The following CACNA2D2 variants were observed in gnomAD, a reference collection of about 807,000 sequenced individuals.
CACNA2D2 encodes calcium voltage-gated channel auxiliary subunit alpha2delta 2.
CACNA2D2 carries 48 observed loss-of-function variants against 166.4 expected under a neutral mutation model. That is an observed-to-expected ratio of 0.29 (90% CI 0.23 to 0.37). CACNA2D2 has a LOEUF of 0.37. CACNA2D2 is among the 10% of genes least tolerant of loss of function. The pLI is 1.00. For synonymous variants in CACNA2D2, 561 were observed against 573.7 expected, an observed-to-expected ratio of 0.98 and a Z score of 0.32; for missense variants, 1,122 against 1,433.0, an observed-to-expected ratio of 0.78 and a Z score of 3.50.
chr3:50,477,181 A>T (rs2282762), intron 1 of CACNA2D2, among the ~76,000 whole-genome samples: 1 of 151,800 alleles, frequency 6.6e-6, no homozygotes, highest in Non-Finnish European at 1.5e-5. Context: ...CGCCTGTCTC[A>T]GCCTCCCAAA....
chr3:50,402,286 A>G (rs1439098606), intron 3 of CACNA2D2, among the ~76,000 whole-genome samples: 1 of 152,106 alleles, frequency 6.6e-6, no homozygotes, highest in Admixed American at 6.6e-5. Flanking sequence ...GAATTTACAG[A>G]CCAGTTTTCT....
At chr3:50,449,038 T>C (rs911771841) in intron 2 of CACNA2D2, among the ~76,000 whole-genome samples, 6 of 152,236 alleles carry the variant, frequency 3.9e-5, no homozygotes, top group Non-Finnish European at 8.8e-5. Flanking sequence ...TTCCTGCTGA[T>C]GGTGGGCGAG....
intron 2 of CACNA2D2, among the ~76,000 whole-genome samples, chr3:50,462,900 AG>A (rs1303343103): frequency 6.7e-6 from 1 of 149,774 alleles, no homozygotes; most frequent in African/African-American, 2.5e-5. Flanking sequence ...GAAAAAAAAA[AG>A]AGAGAGGGAG....
intron 3 of CACNA2D2, among the ~76,000 whole-genome samples, chr3:50,403,593 C>T (rs565486207): frequency 1.3e-5 from 2 of 152,296 alleles, no homozygotes; most frequent in South Asian, 4.1e-4. Context: ...TCATCTGCCC[C>T]AGCCCCCACA....
At chr3:50,373,003 G>GC in intron 22 of CACNA2D2, 1 of 1,397,550 alleles carries the variant, frequency 7.2e-7, no homozygotes, top group Non-Finnish European at 9.8e-7. Flanking sequence ...AGGGGGGCAA[G>GC]CAGGGGCGTG....
chr3:50,469,242 C>T (rs981476101), intron 2 of CACNA2D2, among the ~76,000 whole-genome samples: 1 of 152,124 alleles, frequency 6.6e-6, no homozygotes. Context: ...CCTTTTGTCT[C>T]TGCCCATCTC....
At chr3:50,480,420 CCTAAGGA>C (rs1370212535) in intron 1 of CACNA2D2, among the ~76,000 whole-genome samples, 1 of 152,064 alleles carries the variant, frequency 6.6e-6, no homozygotes, top group Non-Finnish European at 1.5e-5. Context: ...TCCCCTAAGA[CCTAAGGA>C]CTTATTGAGG....
At chr3:50,383,340 G>T (rs911326347) in intron 6 of CACNA2D2, among the ~76,000 whole-genome samples, 3 of 152,136 alleles carry the variant, frequency 2.0e-5, no homozygotes, top group Non-Finnish European at 2.9e-5. Flanking sequence ...TGGAGCTGAG[G>T]CAGTGGCTCT....
chr3:50,485,003 T>C (rs537918871), intron 1 of CACNA2D2, among the ~76,000 whole-genome samples: 15 of 152,334 alleles, frequency 9.8e-5, no homozygotes, highest in Non-Finnish European at 1.9e-4. Flanking sequence ...CTTCTTTCCA[T>C]ATGAATTATT....
At chr3:50,445,808 C>T (rs1405491537) in intron 2 of CACNA2D2, among the ~76,000 whole-genome samples, 1 of 152,178 alleles carries the variant, frequency 6.6e-6, no homozygotes, top group Non-Finnish European at 1.5e-5. Context: ...GTGGGGTTAC[C>T]ACCCAAAGCT....
At chr3:50,378,781 C>T (rs1258357465) in intron 13 of CACNA2D2, 134 bp downstream of exon 13, 7 of 1,040,362 alleles carry the variant, frequency 6.7e-6, no homozygotes, top group South Asian at 2.8e-5. Context: ...GGGACAGCCT[C>T]GTGGATGGGA....
chr3:50,383,777 G>A (rs927252220), intron 6 of CACNA2D2, among the ~76,000 whole-genome samples: 24 of 152,114 alleles, frequency 1.6e-4, no homozygotes, highest in Admixed American at 1.5e-3. Flanking sequence ...CCTACCCTCC[G>A]TGTCCACCTG....
Position 50,379,195 on chromosome 3 carries a change from T to C in CACNA2D2, c.1157A>G (p.Asn386Ser), listed in dbSNP as rs773773742. 2 of 1,613,132 alleles carry C rather than the reference T, an allele frequency of 1.2e-6. No homozygotes were observed. The highest frequency in any genetic ancestry group is 1.7e-6 in the Non-Finnish European group (2 of 1,179,342). ...EYAFDQLQNSNITRANCNKMI... is the reference protein window; with the variant it reads ...EYAFDQLQNSSITRANCNKMI... ...CTTGTTGCAGTTGGCCCGAGTGATG[T>C]TGGACTGAGGGGAGTGAGGCGGAGG... Residue 386 changes from asparagine (N) to serine (S), a missense_variant, in exon 12 of 38, where the codon AAC (asparagine) becomes AGC (serine). Around this residue, in one of 2 missense-constraint regions of CACNA2D2, gnomAD observed 840 missense variants for 1,166.8 expected, o/e 0.72. Coordinates refer to ENST00000424201, the MANE Select transcript of CACNA2D2 (RefSeq NM_006030.4). The surrounding 1 kb of genome is among the most constrained non-coding windows in gnomAD (Gnocchi z 6.5).
intron 3 of CACNA2D2, among the ~76,000 whole-genome samples, chr3:50,433,024 C>G (rs755993222): frequency 1.6e-4 from 24 of 152,258 alleles, no homozygotes; most frequent in Admixed American, 1.4e-3. Flanking sequence ...ATTTATACAC[C>G]AGCAAATCCA....
intron 22 of CACNA2D2, chr3:50,373,154 G>C: frequency 7.2e-7 from 1 of 1,387,202 alleles, no homozygotes; most frequent in Non-Finnish European, 9.9e-7. Flanking sequence ...CAAACGAAAA[G>C]GGGGAGGGAA....
chr3:50,379,725 C>T lies in CACNA2D2; in HGVS notation c.993G>A (p.Ser331=), dbSNP rs780661542. The change falls in exon 10 of 38, where the codon TCG becomes TCA. Residue 331 remains serine (S), a splice_region_variant and synonymous_variant. Coordinates refer to ENST00000424201, the MANE Select transcript of CACNA2D2 (RefSeq NM_006030.4). The surrounding 1 kb of genome is among the most constrained non-coding windows in gnomAD (Gnocchi z 6.5). The part of the protein sequence containing the change: ...LSDDDYVNVA[S]FNEKAQPVSC... ...CCCCGTCTGCCACCTTGGCACTCAC[C>T]GAGGCCACATTCACATAGTCATCAT... 8 of 1,613,646 alleles carry T rather than the reference C, an allele frequency of 5.0e-6. No individual in the cohort carries two copies. Among genetic ancestry groups the T allele is most frequent in the East Asian group, 2.2e-5 (1 of 44,876 alleles).
chr3:50,491,471 T>G (rs1031333370), intron 1 of CACNA2D2, among the ~76,000 whole-genome samples: 2 of 152,088 alleles, frequency 1.3e-5, no homozygotes, highest in African/African-American at 4.8e-5. Context: ...GCTTAAACAA[T>G]TAAACATGCT....
At chr3:50,484,051 G>T (rs1296766538) in intron 1 of CACNA2D2, among the ~76,000 whole-genome samples, 1 of 152,108 alleles carries the variant, frequency 6.6e-6, no homozygotes, top group African/African-American at 2.4e-5. Flanking sequence ...AACTGAAAGT[G>T]TCCGAAACGA....
intron 22 of CACNA2D2, among the ~76,000 whole-genome samples, chr3:50,373,488 G>A (rs587612846): frequency 8.0e-6 from 1 of 124,676 alleles, no homozygotes; most frequent in South Asian, 3.2e-4. Flanking sequence ...AGGCAGGGGA[G>A]GAAGGAGGGG....
Sources: allele counts gnomAD v4.1 joint callset (sites outside exome capture counted in the v4.1 genomes callset), GRCh38; gene constraint gnomAD v4.1.1; regional missense constraint gnomAD v4.1.1; non-coding constraint Gnocchi (gnomAD v3.1); transcripts MANE v1.5; gene names NCBI Gene and HGNC (gene_info 2026-07-23, HGNC 2026-07-21).